The following DHX29 variants were observed in gnomAD, a reference collection of about 807,000 sequenced individuals.
DHX29 encodes ATP-dependent RNA helicase DHX29.
Under a neutral mutation model 167.9 loss-of-function variants are expected in DHX29, and 79 were observed. The observed-to-expected ratio is 0.47, with a 90% confidence interval of 0.39 to 0.57. The LOEUF (loss-of-function observed/expected upper bound fraction) is 0.57, where lower values mean the gene tolerates loss of function less well. DHX29 is among the 20% of genes least tolerant of loss of function. The pLI, the probability that DHX29 is intolerant of heterozygous loss-of-function variation, is 0.00. For missense variants in DHX29, 1,347 were observed against 1,593.4 expected, an observed-to-expected ratio of 0.85 and a Z score of 2.63; for synonymous variants, 530 against 546.0, an observed-to-expected ratio of 0.97 and a Z score of 0.41.
At chr5:55,262,522 A>C in intron 24 of DHX29, 108 bp downstream of exon 24, 1 of 1,351,908 alleles carries the variant, frequency 7.4e-7, no homozygotes. Context: ...AAAAATGAAT[A>C]GCTCAATTTG....
At chr5:55,306,140 C>T (rs974425551) in intron 1 of DHX29, among the ~76,000 whole-genome samples, 9 of 152,216 alleles carry the variant, frequency 5.9e-5, no homozygotes, top group African/African-American at 2.2e-4. Context: ...AGTATGCTAA[C>T]TCTGTAGCTA....
chr5:55,283,271 T>C lies in DHX29; in HGVS notation c.1897A>G (p.Ile633Val). ...CNIVCTQPRR[I>V]SAVSLANRVC... Reference sequence around the variant, plus strand: ...CTGTTGGCTAAACTAACTGCTGAGATTCTTCGGGGTTGGGTACAGACAATG... The same window carrying C: ...CTGTTGGCTAAACTAACTGCTGAGACTCTTCGGGGTTGGGTACAGACAATG... Residue 633 changes from isoleucine to valine, a missense_variant, in exon 11 of 27, where the codon ATC (isoleucine) becomes GTC (valine). Ile to Val is a conservative substitution (Grantham distance 29, BLOSUM62 3). Coordinates refer to ENST00000251636, the MANE Select transcript of DHX29 (RefSeq NM_019030.4). The C allele has an allele frequency of 6.2e-7, 1 of 1,613,536 alleles. No homozygotes were observed. Among genetic ancestry groups the C allele is most frequent in the Non-Finnish European group, 8.5e-7 (1 of 1,179,548 alleles).
chr5:55,305,233 G>A (rs1382709422), intron 1 of DHX29, among the ~76,000 whole-genome samples: 6 of 152,160 alleles, frequency 3.9e-5, no homozygotes, highest in South Asian at 4.1e-4. Context: ...ACTATGATAC[G>A]TCAGTTGTGA....
chr5:55,259,815 T>C (rs1445854370), intron 26 of DHX29, 33 bp downstream of exon 26: 1 of 1,247,468 alleles, frequency 8.0e-7, no homozygotes, highest in Non-Finnish European at 1.2e-6. Context: ...CACATATGTG[T>C]ATATGGTCTT....
At chr5:55,260,460 T>G (rs556405907) in intron 25 of DHX29, among the ~76,000 whole-genome samples, 23 of 152,344 alleles carry the variant, frequency 1.5e-4, no homozygotes, top group African/African-American at 5.5e-4. Context: ...CTCGAACTCC[T>G]GACCTCATGA....
chr5:55,276,205 T>C (rs149496945), intron 14 of DHX29, 61 bp downstream of exon 14: 3 of 1,375,056 alleles, frequency 2.2e-6, no homozygotes, highest in East Asian at 4.9e-5. Context: ...TTTGAAACTC[T>C]TGTGGCAGGT....
intron 12 of DHX29, among the ~76,000 whole-genome samples, chr5:55,279,368 G>A (rs1371047366): frequency 6.6e-6 from 1 of 151,608 alleles, no homozygotes; most frequent in African/African-American, 2.4e-5. Context: ...TTGAGTAGTG[G>A]AACTGCTGAG....
At chr5:55,287,851 A>C (rs1747818716) in intron 8 of DHX29, among the ~76,000 whole-genome samples, 1 of 151,090 alleles carries the variant, frequency 6.6e-6, no homozygotes, top group Middle Eastern at 3.2e-3. Flanking sequence ...GGGGAGCCTG[A>C]GGCAGGAGAA....
chr5:55,271,220 G>A (rs1746839489), intron 18 of DHX29, among the ~76,000 whole-genome samples: 1 of 152,166 alleles, frequency 6.6e-6, no homozygotes, highest in Non-Finnish European at 1.5e-5. Flanking sequence ...ACTAAAGGTG[G>A]TCTGTCCTAT....
At position 55,259,864 on chromosome 5, in the gene DHX29, T is replaced by C; in HGVS notation, c.4041A>G (p.Pro1347=). The C allele has an allele frequency of 1.9e-6, 3 of 1,600,008 alleles. No individual in the cohort carries two copies. Among genetic ancestry groups the C allele is most frequent in the Non-Finnish European group, 2.6e-6 (3 of 1,167,294 alleles). ...DSVLRKKLEN[P]KMSLENDKIL... ...AACACTTACTTTCAAGGGACATCTT[T>C]GGATTTTCAAGCTTTTTTCTTAAAA... The change falls in exon 26 of 27, where the codon CCA becomes CCG. Residue 1347 remains proline, a synonymous_variant. Coordinates refer to ENST00000251636, the MANE Select transcript of DHX29 (RefSeq NM_019030.4).
chr5:55,280,327 A>G (rs1028320352), intron 12 of DHX29, among the ~76,000 whole-genome samples: 6 of 152,214 alleles, frequency 3.9e-5, no homozygotes, highest in African/African-American at 9.6e-5. Flanking sequence ...ATCCTGATCT[A>G]TATTTACCAA....
At chr5:55,273,223 A>G in intron 17 of DHX29, 70 bp downstream of exon 17, 1 of 1,450,004 alleles carries the variant, frequency 6.9e-7, no homozygotes, top group Non-Finnish European at 9.2e-7. Context: ...CTTTGATGAT[A>G]AAAAGTTATA....
chr5:55,276,382 C>CTAT lies in DHX29; in HGVS notation c.2308_2310dup (p.Ile770dup), dbSNP rs1256550395. The stretch of plus-strand genomic sequence containing the variant: ...TTTTCCAGTACAAAGCCTGTTTCTT[C>CTAT]TATTATATCTTCAAGATGAAAAACC... On this transcript the variant is annotated inframe_insertion, in exon 14 of 27. Coordinates refer to ENST00000251636, the MANE Select transcript of DHX29 (RefSeq NM_019030.4). The CTAT allele has an allele frequency of 1.3e-6, 2 of 1,591,194 alleles. No individual in the cohort carries two copies. Among genetic ancestry groups the CTAT allele is most frequent in the Non-Finnish European group, 8.5e-7 (1 of 1,173,226 alleles).
chr5:55,287,590 A>T lies in DHX29; in HGVS notation c.1066+1680T>A, dbSNP rs927098893. 3.9e-5 allele frequency among the ~76,000 whole-genome samples: 6 copies of T among 152,164 alleles called. No homozygotes were observed. In the East Asian group the frequency reaches 7.7e-4, roughly 20 times the overall value. ...AATAATTAACTCAGAATTTTTTTTT[A>T]AAAAAACAATTAACTAAAAAACTTC... On this transcript the variant is annotated intron_variant, in intron 8 of 26. Transcript: ENST00000251636.
Position 55,276,271 on chromosome 5 carries a change from ATTT to A in DHX29, c.2419_2421del (p.Lys807del). The A allele has an allele frequency of 6.4e-7, 1 of 1,571,610 alleles. No homozygotes were observed. Among genetic ancestry groups the A allele is most frequent in the Non-Finnish European group, 8.6e-7 (1 of 1,167,618 alleles). On this transcript the variant is annotated inframe_deletion, in exon 14 of 27. Coordinates refer to ENST00000251636, the MANE Select transcript of DHX29 (RefSeq NM_019030.4). ...TCAAAATATTTTCTTTTTACCTGAT[ATTT>A]TTTTATTCCCCCTGCTTTGCTTGTA...
chr5:55,274,399 T>C (rs1333036538), intron 16 of DHX29, among the ~76,000 whole-genome samples: 1 of 151,824 alleles, frequency 6.6e-6, no homozygotes, highest in East Asian at 1.9e-4. Flanking sequence ...GTCTCAAAAA[T>C]AAAATAAAAT....
At chr5:55,270,792 T>A (rs1746818183) in intron 18 of DHX29, 86 bp from the exon 19 acceptor site, 6 of 989,628 alleles carry the variant, frequency 6.1e-6, no homozygotes, top group Non-Finnish European at 9.4e-6. Context: ...TACAACTAAG[T>A]TAAACACAGG....
At chr5:55,275,725 CTATGTATGTATGTATG>C (rs375674768) in intron 14 of DHX29, among the ~76,000 whole-genome samples, 96 of 148,870 alleles carry the variant, frequency 6.4e-4, no homozygotes, top group South Asian at 6.4e-4. Flanking sequence ...GACAGCTTCA[CTATGTATGTATGTATG>C]TATGTATGTA....
intron 26 of DHX29, among the ~76,000 whole-genome samples, chr5:55,258,336 T>A (rs1024226443): frequency 2.6e-5 from 4 of 152,198 alleles, no homozygotes; most frequent in African/African-American, 4.8e-5. Context: ...AAATCCTAAA[T>A]GTGGGACATT....
Sources: gnomAD v4.1 joint callset for allele counts (sites outside exome capture counted in the v4.1 genomes callset) on GRCh38, gnomAD v4.1.1 for gene constraint, MANE v1.5 for transcripts, NCBI Gene and HGNC (gene_info 2026-07-23, HGNC 2026-07-21) for gene names.